RAPGEF4: variants seen among roughly 807,000 people sequenced by gnomAD.
RAPGEF4 encodes the protein RAP guanine-nucleotide-exchange factor (GEF) 4.
Under a neutral mutation model 147.9 loss-of-function variants are expected in RAPGEF4, and 66 were observed. The observed-to-expected ratio is 0.45, with a 90% CI of 0.37 to 0.55. The LOEUF (loss-of-function observed/expected upper bound fraction) is 0.55. Among genes scored for constraint, RAPGEF4 ranks in the 20% least tolerant of loss-of-function variants. The probability of loss-of-function intolerance (pLI) is 0.00; values close to 1 mark genes in which losing one functional copy is unlikely to be tolerated. For synonymous variants in RAPGEF4, 419 were observed against 442.7 expected (o/e 0.95, Z 0.67); for missense variants, 1,071 against 1,257.3 (o/e 0.85, Z 2.24).
chr2:172,837,389 A>C (rs1305515955), intron 4 of RAPGEF4, among the ~76,000 whole-genome samples: 1 of 152,156 alleles, frequency 6.6e-6, no homozygotes, highest in Non-Finnish European at 1.5e-5. Flanking sequence ...TGAAAGAGTT[A>C]GGATTTAAAC....
At chr2:172,874,405 C>A (rs546527621) in intron 4 of RAPGEF4, among the ~76,000 whole-genome samples, 49 of 152,038 alleles carry the variant, frequency 3.2e-4, no homozygotes, top group African/African-American at 9.9e-4. Context: ...CTGCTCCCCT[C>A]ACCCCACAAC....
At chr2:172,791,687 G>A (rs1372330016) in intron 1 of RAPGEF4, among the ~76,000 whole-genome samples, 2 of 152,160 alleles carry the variant, frequency 1.3e-5, no homozygotes, top group Non-Finnish European at 2.9e-5. Context: ...ATCAGGAGAA[G>A]AGATTTCATT....
intron 25 of RAPGEF4, 151 bp downstream of exon 25, chr2:173,027,410 G>T (rs915608402): frequency 1.6e-5 from 9 of 554,414 alleles, no homozygotes; most frequent in Admixed American, 1.1e-4. Flanking sequence ...CTCTTGTAAT[G>T]GATCTCTCCT....
At chr2:172,810,898 G>T (rs2149593818) in intron 3 of RAPGEF4, among the ~76,000 whole-genome samples, 1 of 152,348 alleles carries the variant, frequency 6.6e-6, no homozygotes, top group Non-Finnish European at 1.5e-5. Context: ...GGTTTCCCCA[G>T]AAGCAGACCT....
At chr2:172,777,137 A>G (rs1418330263) in intron 1 of RAPGEF4, among the ~76,000 whole-genome samples, 2 of 152,106 alleles carry the variant, frequency 1.3e-5, no homozygotes, top group Non-Finnish European at 2.9e-5. Context: ...TTTAAGCTTT[A>G]TTAGAATAGG....
At chr2:173,011,170 G>GCGCGCGCACACACACA (rs564434178) in intron 17 of RAPGEF4, among the ~76,000 whole-genome samples, 75 of 133,560 alleles carry the variant, frequency 5.6e-4, no homozygotes, top group African/African-American at 1.8e-3. Context: ...GCGCGCGCGC[G>GCGCGCGCACACACACA]CACACACACA....
chr2:172,775,130 A>C (rs1684033922), intron 1 of RAPGEF4, among the ~76,000 whole-genome samples: 2 of 152,180 alleles, frequency 1.3e-5, no homozygotes, highest in Admixed American at 1.3e-4. Flanking sequence ...TATCTTTGGC[A>C]TGGGTGGGTA....
chr2:172,861,641 TA>T (rs1694063722), intron 4 of RAPGEF4, among the ~76,000 whole-genome samples: 1 of 152,228 alleles, frequency 6.6e-6, no homozygotes, highest in African/African-American at 2.4e-5. Context: ...TTGTCCTAAT[TA>T]GAGGAATATG....
At chr2:172,935,174 C>T (rs1403733809) in intron 6 of RAPGEF4, among the ~76,000 whole-genome samples, 2 of 152,110 alleles carry the variant, frequency 1.3e-5, no homozygotes, top group Non-Finnish European at 2.9e-5. Flanking sequence ...CAGACCCTGT[C>T]TCAAAAAAAC....
chr2:172,945,756 A>G (rs1157168437), intron 6 of RAPGEF4, among the ~76,000 whole-genome samples: 1 of 152,164 alleles, frequency 6.6e-6, no homozygotes, highest in African/African-American at 2.4e-5. Flanking sequence ...TTTCTGTTGG[A>G]CATTTTTGTC....
chr2:172,745,629 A>G (rs1694700594), intron 1 of RAPGEF4, among the ~76,000 whole-genome samples: 1 of 151,908 alleles, frequency 6.6e-6, no homozygotes. Context: ...GGCTTCTTAA[A>G]GTGGAAACTT....
chr2:172,866,100 T>C (rs1238559553), intron 4 of RAPGEF4, among the ~76,000 whole-genome samples: 2 of 152,174 alleles, frequency 1.3e-5, no homozygotes, highest in African/African-American at 2.4e-5. Flanking sequence ...CATGGGCTTC[T>C]ACCATTCCAA....
chr2:172,996,190 C>A (rs765363033), intron 15 of RAPGEF4, among the ~76,000 whole-genome samples: 14 of 152,108 alleles, frequency 9.2e-5, no homozygotes, highest in Non-Finnish European at 1.6e-4. Context: ...TTCTCAGTTC[C>A]CAGCCTGCTA....
intron 6 of RAPGEF4, among the ~76,000 whole-genome samples, chr2:172,937,404 A>G (rs1268747249): frequency 6.6e-6 from 1 of 152,034 alleles, no homozygotes; most frequent in African/African-American, 2.4e-5. Flanking sequence ...GTTTTAAGGG[A>G]TATAGGTCGG....
At chr2:173,019,879 G>C (rs1446854455) in intron 22 of RAPGEF4, among the ~76,000 whole-genome samples, 1 of 151,970 alleles carries the variant, frequency 6.6e-6, no homozygotes, top group African/African-American at 2.4e-5. Flanking sequence ...AAGCTTCCTA[G>C]ACCCCACCCC....
At chr2:172,784,525 A>T (rs1364582644) in intron 1 of RAPGEF4, among the ~76,000 whole-genome samples, 1 of 152,034 alleles carries the variant, frequency 6.6e-6, no homozygotes, top group South Asian at 2.1e-4. Flanking sequence ...AAAAAAAAAA[A>T]AAAAAGATCC....
intron 4 of RAPGEF4, among the ~76,000 whole-genome samples, chr2:172,902,675 G>A (rs1199445454): frequency 6.6e-6 from 1 of 152,094 alleles, no homozygotes; most frequent in East Asian, 1.9e-4. Flanking sequence ...ACACCTCCTA[G>A]CCTTTATGCT....
At chr2:172,819,658 G>T (rs1225979455) in intron 4 of RAPGEF4, among the ~76,000 whole-genome samples, 1 of 151,184 alleles carries the variant, frequency 6.6e-6, no homozygotes, top group African/African-American at 2.4e-5. Flanking sequence ...GTAGAGACGG[G>T]GTTTCACCGT....
intron 4 of RAPGEF4, among the ~76,000 whole-genome samples, chr2:172,876,577 C>T (rs1695952963): frequency 6.6e-6 from 1 of 152,138 alleles, no homozygotes; most frequent in South Asian, 2.1e-4. Flanking sequence ...GTTGAACCAG[C>T]CTTGCATCCC....
Sources: allele counts gnomAD v4.1 joint callset (sites outside exome capture counted in the v4.1 genomes callset), GRCh38; gene constraint gnomAD v4.1.1; transcripts MANE v1.5; gene names NCBI Gene and HGNC (gene_info 2026-07-23, HGNC 2026-07-21).